UNC80: variants seen among roughly 807,000 people sequenced by gnomAD.
UNC80 encodes the protein unc-80 subunit of NALCN channel complex.
In UNC80, 164 loss-of-function variants were observed where a neutral mutation model predicts 384.6. The observed-to-expected ratio is 0.43, with a 90% CI of 0.38 to 0.49. The LOEUF (loss-of-function observed/expected upper bound fraction) is 0.49, where lower values mean the gene tolerates loss of function less well. UNC80 is among the 20% of genes least tolerant of loss of function. The probability of loss-of-function intolerance (pLI) is 0.00; values close to 1 mark genes in which losing one functional copy is unlikely to be tolerated. For missense variants in UNC80, 3,330 were observed against 4,143.0 expected, an observed-to-expected ratio of 0.80 and a Z score of 5.39; for synonymous variants, 1,486 against 1,527.8, an observed-to-expected ratio of 0.97 and a Z score of 0.64.
chr2:209,903,443 TTA>T (rs1362935566), intron 28 of UNC80, among the ~76,000 whole-genome samples: 1 of 103,232 alleles, frequency 9.7e-6, no homozygotes, highest in East Asian at 2.5e-4. Context: ...TATATACACA[TTA>T]TATATATTTA....
At chr2:209,881,852 C>CATCCAGCTG (rs1427088649) in intron 25 of UNC80, among the ~76,000 whole-genome samples, 2 of 152,090 alleles carry the variant, frequency 1.3e-5, no homozygotes, top group Non-Finnish European at 2.9e-5. Flanking sequence ...TCACAGGCAT[C>CATCCAGCTG]ATCCAGCTGG....
intron 5 of UNC80, among the ~76,000 whole-genome samples, chr2:209,787,134 A>G (rs1163040680): frequency 9.0e-6 from 1 of 111,418 alleles, no homozygotes; most frequent in Non-Finnish European, 1.7e-5. Context: ...AATTTAACAC[A>G]TATATAAAAA....
At chr2:209,877,846 C>A in intron 23 of UNC80, 108 bp from the exon 24 acceptor site, 1 of 1,266,220 alleles carries the variant, frequency 7.9e-7, no homozygotes, top group Non-Finnish European at 1.0e-6. Context: ...GAGGCTTATG[C>A]TGGAAATAAT....
In UNC80 at chr2:209,820,573, GAGA is replaced by G. The variant is rs1166256326; in HGVS notation, c.2231_2233del (p.Glu744del). The G allele has an allele frequency of 1.3e-6, 2 of 1,551,610 alleles. No individual in the cohort carries two copies. The highest frequency in any genetic ancestry group is 2.4e-5 in the East Asian group (1 of 40,940). On this transcript the variant is annotated inframe_deletion, in exon 13 of 65. Transcript: ENST00000673920. ...GTTAGTGGAGCTGGAGATGGTGGAGGAGAAGAAGGAGGAGGTGGAGATGGAGGA... is the reference window on the plus strand; with the variant it reads ...GTTAGTGGAGCTGGAGATGGTGGAGGAGAAGGAGGAGGTGGAGATGGAGGA...
chr2:209,799,632 G>A (rs1157626468), intron 7 of UNC80, among the ~76,000 whole-genome samples: 2 of 152,136 alleles, frequency 1.3e-5, no homozygotes, highest in Non-Finnish European at 2.9e-5. Context: ...GTAAGAGAGG[G>A]CATCCTTATC....
intron 48 of UNC80, among the ~76,000 whole-genome samples, chr2:209,956,942 A>C (rs529420888): frequency 6.6e-6 from 1 of 152,236 alleles, no homozygotes; most frequent in Non-Finnish European, 1.5e-5. Context: ...GAAAGTGAGC[A>C]ACAAAGAAGC....
At chr2:209,828,878 T>A (rs542437731) in intron 14 of UNC80, among the ~76,000 whole-genome samples, 7 of 152,226 alleles carry the variant, frequency 4.6e-5, no homozygotes, top group African/African-American at 7.2e-5. Context: ...TTTCTAAACA[T>A]GGATTGTCAA....
chr2:209,893,499 C>A (rs2086536606), intron 26 of UNC80, among the ~76,000 whole-genome samples: 1 of 152,154 alleles, frequency 6.6e-6, no homozygotes, highest in Non-Finnish European at 1.5e-5. Context: ...TCTTGGTATG[C>A]ATAGACTGTT....
rs758367729 is a variant in UNC80, at chr2:209,935,813, G to A, written c.6273+5G>A. On this transcript the variant is annotated splice_donor_5th_base_variant and intron_variant, in intron 40 of 64. Coordinates refer to ENST00000673920, the MANE Select transcript of UNC80 (RefSeq NM_001371986.1). ...CAATTTGAAGCCCTGTTGAAGGTAGGAATGACTTTTAACAGAAACAATTTT... is the reference window on the plus strand; with the variant it reads ...CAATTTGAAGCCCTGTTGAAGGTAGAAATGACTTTTAACAGAAACAATTTT... 1 of 1,531,804 alleles carries A rather than the reference G, an allele frequency of 6.5e-7. No individual in the cohort carries two copies. The highest frequency in any genetic ancestry group is 8.8e-7 in the Non-Finnish European group (1 of 1,136,772). The allele number at this position is 1,531,804 out of a possible 1,614,324, so 94.9% of individuals were successfully genotyped here. A position where few individuals can be genotyped will look rare whatever the true frequency, so the allele number is the denominator to read the frequency against.
In UNC80 at chr2:209,976,955, C is replaced by T. The variant is rs942370327; in HGVS notation, c.8815C>T (p.Arg2939Trp). 1.4e-5 allele frequency: 22 copies of T among 1,529,282 alleles called. No homozygotes were observed. The highest frequency in any genetic ancestry group is 1.7e-4 in the Middle Eastern group (1 of 5,950). 94.7% of individuals were successfully genotyped at this position (1,529,282 alleles called of 1,614,324 possible). A position where few individuals can be genotyped will look rare whatever the true frequency, so the allele number is the denominator to read the frequency against. The part of the protein sequence containing the change: ...PAENHEELSA[R>W]QHIADQLERR... ...AGAGAATCATGAAGAGCTTTCCGCC[C>T]GGCAACATATTGCCGACCAGCTGGA... is the stretch of plus-strand genomic sequence containing the variant. The change falls in exon 58 of 65, where the codon CGG (arginine) becomes TGG (tryptophan). Residue 2939 changes from arginine to tryptophan, a missense_variant. By Grantham distance (101) the Arg-to-Trp change is moderately radical. This residue lies in a region of UNC80 where 216 missense variants were observed against 245.3 expected (regional missense o/e 0.88). Coordinates refer to ENST00000673920, the MANE Select transcript of UNC80 (RefSeq NM_001371986.1). This position sits in a 1 kb window ranked among gnomAD's most constrained non-coding sequence, Gnocchi z 4.3.
chr2:209,928,981 A>G (rs962793794), intron 36 of UNC80, among the ~76,000 whole-genome samples: 3 of 152,204 alleles, frequency 2.0e-5, no homozygotes, highest in Non-Finnish European at 2.9e-5. Context: ...TTTGCAATCA[A>G]TATCAACCTG....
chr2:209,847,142 T>A (rs1196627075), intron 21 of UNC80, among the ~76,000 whole-genome samples: 1 of 152,012 alleles, frequency 6.6e-6, no homozygotes, highest in Non-Finnish European at 1.5e-5. Context: ...CAGATTGGGC[T>A]ACTTAACCTG....
chr2:209,922,228 C>T (rs1164591156), intron 34 of UNC80, 24 bp from the exon 35 acceptor site: 4 of 1,551,252 alleles, frequency 2.6e-6, no homozygotes, highest in Non-Finnish European at 1.7e-6. Flanking sequence ...AGCCAAAGTT[C>T]ACATTCCCCA....
At chr2:209,842,637 G>A (rs10490024) in intron 21 of UNC80, among the ~76,000 whole-genome samples, 191 bp downstream of exon 21, 28,729 of 152,048 alleles carry the variant, frequency 0.19, 3,765 homozygotes, top group African/African-American at 0.36. Flanking sequence ...AAGCCTTACT[G>A]TGTTCCTCAC....
chr2:209,775,068 G>A (rs761170206), intron 2 of UNC80, among the ~76,000 whole-genome samples: 1 of 152,026 alleles, frequency 6.6e-6, no homozygotes, highest in Non-Finnish European at 1.5e-5. Flanking sequence ...CATGCCAAAT[G>A]TTTATTAAAT....
intron 27 of UNC80, among the ~76,000 whole-genome samples, chr2:209,895,978 G>T (rs2086762297): frequency 6.6e-6 from 1 of 152,156 alleles, no homozygotes; most frequent in African/African-American, 2.4e-5. Flanking sequence ...GCAAGGTCTG[G>T]TCAGTCTGGA....
rs1376154118 is a variant in UNC80 at position 209,849,761 on chromosome 2, G to GTGATA, written c.3627+138_3627+139insTGATA. The GTGATA allele has an allele frequency of 5.4e-6, 5 of 925,080 alleles. No individual in the cohort carries two copies. The African/African-American group carries it at 6.7e-5, about 12-fold the overall frequency. The allele number at this position is 925,080 out of a possible 1,614,324, so 57.3% of individuals were successfully genotyped here. ...TCAGAATTAGTGATAAAAGGGGGAA[G>GTGATA]AAAGATGGTGAAAAAGGGAGAAAAA... On this transcript the variant is annotated intron_variant, in intron 22 of 64. Transcript: ENST00000673920.
intron 42 of UNC80, among the ~76,000 whole-genome samples, chr2:209,939,002 G>A (rs2091445355): frequency 6.6e-6 from 1 of 152,072 alleles, no homozygotes; most frequent in Non-Finnish European, 1.5e-5. Context: ...GGACCTATGA[G>A]CTTCTGTCCC....
rs1161928053 is a variant in UNC80 at position 209,922,251 on chromosome 2, G to A, written c.5531-1G>A. 3 of 1,551,988 alleles carry A rather than the reference G, an allele frequency of 1.9e-6. No homozygotes were observed. The highest frequency in any genetic ancestry group is 8.7e-7 in the Non-Finnish European group (1 of 1,146,960). On this transcript the variant is annotated splice_acceptor_variant, in intron 34 of 64. Coordinates refer to ENST00000673920, the MANE Select transcript of UNC80 (RefSeq NM_001371986.1). LOFTEE classifies it high-confidence loss of function. The stretch of plus-strand genomic sequence containing the variant: ...TTCACATTCCCCATTTTGTTTGCCA[G>A]TAGAAGAAGTCACCAATCTGGCATC...
Sources: allele counts gnomAD v4.1 joint callset (sites outside exome capture counted in the v4.1 genomes callset), GRCh38; gene constraint gnomAD v4.1.1; regional missense constraint gnomAD v4.1.1; non-coding constraint Gnocchi (gnomAD v3.1); transcripts MANE v1.5; gene names NCBI Gene and HGNC (gene_info 2026-07-23, HGNC 2026-07-21).